Variants in RALGPS2 observed in about 807,000 individuals in gnomAD.
The protein encoded by RALGPS2 is Ral GEF with PH domain and SH3 binding motif 2, also known as ras-specific guanine nucleotide-releasing factor RalGPS2.
RALGPS2 carries 43 observed loss-of-function variants against 86.8 expected under a neutral mutation model. The ratio of observed to expected loss-of-function variants is 0.50; its 90% CI spans 0.39 to 0.64. The LOEUF is 0.64. RALGPS2 is among the 30% of genes least tolerant of loss of function. RALGPS2 has a pLI of 0.00. For synonymous variants in RALGPS2, 243 were observed against 231.3 expected, an observed-to-expected ratio of 1.05 and a Z score of -0.46; for missense variants, 536 against 694.6, an observed-to-expected ratio of 0.77 and a Z score of 2.57.
intron 18 of RALGPS2, 121 bp from the exon 19 acceptor site, chr1:178,906,655 T>A: frequency 1.4e-6 from 1 of 700,158 alleles, no homozygotes; most frequent in Non-Finnish European, 2.4e-6. Flanking sequence ...ATGGAGGTGT[T>A]GAATAGAATT....
chr1:178,736,885 A>G (rs1242185486), intron 1 of RALGPS2, among the ~76,000 whole-genome samples: 3 of 152,104 alleles, frequency 2.0e-5, no homozygotes, highest in African/African-American at 2.4e-5. Flanking sequence ...CAACAGAAGG[A>G]CACCCCTGTC....
intron 2 of RALGPS2, among the ~76,000 whole-genome samples, chr1:178,783,523 G>A (rs1388109680): frequency 4.6e-5 from 7 of 152,128 alleles, no homozygotes; most frequent in Non-Finnish European, 8.8e-5. Flanking sequence ...TCGATACTTC[G>A]TATTTAGCTG....
intron 1 of RALGPS2, among the ~76,000 whole-genome samples, chr1:178,727,061 A>G (rs1401269625): frequency 2.6e-5 from 4 of 152,260 alleles, no homozygotes; most frequent in Non-Finnish European, 5.9e-5. Flanking sequence ...TTTATCATGT[A>G]GCTTCAAAGG....
At chr1:178,762,279 C>T (rs914718376) in intron 1 of RALGPS2, among the ~76,000 whole-genome samples, 5 of 151,986 alleles carry the variant, frequency 3.3e-5, no homozygotes. Flanking sequence ...AGGTTGATTC[C>T]ATGTCTTTGC....
At chr1:178,889,401 C>T (rs1346065854) in intron 13 of RALGPS2, among the ~76,000 whole-genome samples, 3 of 151,928 alleles carry the variant, frequency 2.0e-5, no homozygotes, top group Non-Finnish European at 4.4e-5. Flanking sequence ...TACAAATAGG[C>T]AAGCAAAAAT....
intron 1 of RALGPS2, among the ~76,000 whole-genome samples, chr1:178,771,092 G>T (rs1652791570): frequency 6.6e-6 from 1 of 151,912 alleles, no homozygotes; most frequent in Non-Finnish European, 1.5e-5. Context: ...ACCTGCCTCG[G>T]CCTCCCAAAG....
At chr1:178,808,720 C>T (rs1197761980) in intron 5 of RALGPS2, among the ~76,000 whole-genome samples, 1 of 151,998 alleles carries the variant, frequency 6.6e-6, no homozygotes, top group Non-Finnish European at 1.5e-5. Flanking sequence ...TTTGCTTTTG[C>T]TCATACGTAG....
chr1:178,776,732 G>A lies in RALGPS2; in HGVS notation c.-33G>A, dbSNP rs920709938. 5.7e-6 allele frequency: 9 copies of A among 1,566,820 alleles called. No individual in the cohort carries two copies. Among genetic ancestry groups the A allele is most frequent in the African/African-American group, 1.4e-5 (1 of 73,126 alleles). Reference sequence around the variant, plus strand: ...ATGAGGCAGTCAGTCCTCTGTTGCTGTTAACATAAGGTCAGGGACTGATGA... The same window carrying A: ...ATGAGGCAGTCAGTCCTCTGTTGCTATTAACATAAGGTCAGGGACTGATGA... On this transcript the variant is annotated 5_prime_UTR_variant, in exon 2 of 20. Transcript: ENST00000367635.
At chr1:178,809,257 A>G (rs1029666898) in intron 5 of RALGPS2, among the ~76,000 whole-genome samples, 1 of 152,092 alleles carries the variant, frequency 6.6e-6, no homozygotes, top group Admixed American at 6.5e-5. Flanking sequence ...GAGTTGAAAA[A>G]TAAGTGAATT....
At chr1:178,853,927 A>G (rs1657355984) in intron 8 of RALGPS2, 1 of 520,526 alleles carries the variant, frequency 1.9e-6, no homozygotes, top group Non-Finnish European at 3.1e-6. Context: ...ATAAAATATA[A>G]CTAAATAAAA....
At chr1:178,756,392 C>G (rs1651959301) in intron 1 of RALGPS2, among the ~76,000 whole-genome samples, 1 of 152,194 alleles carries the variant, frequency 6.6e-6, no homozygotes, top group South Asian at 2.1e-4. Flanking sequence ...CCAGCTATCC[C>G]AGCACTATTT....
intron 8 of RALGPS2, among the ~76,000 whole-genome samples, chr1:178,874,645 T>G (rs1437816258): frequency 6.6e-6 from 1 of 152,224 alleles, no homozygotes; most frequent in Admixed American, 6.5e-5. Context: ...CTTCTATTGC[T>G]GTTATTGATG....
At chr1:178,744,518 AAAAG>A (rs1387894042) in intron 1 of RALGPS2, among the ~76,000 whole-genome samples, 1 of 152,138 alleles carries the variant, frequency 6.6e-6, no homozygotes, top group Non-Finnish European at 1.5e-5. Context: ...ACAGTCAAGA[AAAAG>A]AAATAAGCTG....
chr1:178,878,762 C>G, intron 9 of RALGPS2, 140 bp from the exon 10 acceptor site: 1 of 1,099,060 alleles, frequency 9.1e-7, no homozygotes, highest in Non-Finnish European at 1.3e-6. Context: ...TAAAGTTTAT[C>G]TCAGTAATGT....
Position 178,916,383 on chromosome 1 carries a change from G to A in RALGPS2, c.*24G>A. 1 of 1,590,234 alleles carries A rather than the reference G, an allele frequency of 6.3e-7. No individual in the cohort carries two copies. The highest frequency in any genetic ancestry group is 8.6e-7 in the Non-Finnish European group (1 of 1,159,986). On this transcript the variant is annotated 3_prime_UTR_variant, in exon 20 of 20. Coordinates refer to ENST00000367635, the MANE Select transcript of RALGPS2 (RefSeq NM_152663.5). Reference sequence around the variant, plus strand: ...AGAAGCCTGAGAAAAAAAGAGAGGTGAACTGTTGCTTCTACGTGAGCATGA... The same window carrying A: ...AGAAGCCTGAGAAAAAAAGAGAGGTAAACTGTTGCTTCTACGTGAGCATGA...
chr1:178,856,841 A>AT (rs1277983251), intron 8 of RALGPS2, among the ~76,000 whole-genome samples: 1 of 152,196 alleles, frequency 6.6e-6, no homozygotes, highest in Non-Finnish European at 1.5e-5. Context: ...GAAAAACCTC[A>AT]TGTTCTGCAA....
At chr1:178,881,536 G>A (rs1359105442) in intron 10 of RALGPS2, among the ~76,000 whole-genome samples, 32 of 152,108 alleles carry the variant, frequency 2.1e-4, no homozygotes, top group Admixed American at 1.8e-3. Context: ...TGCAACCTCC[G>A]CCGCCTGGGG....
intron 10 of RALGPS2, among the ~76,000 whole-genome samples, chr1:178,881,309 G>A (rs894737080): frequency 1.4e-4 from 21 of 152,136 alleles, no homozygotes; most frequent in African/African-American, 5.1e-4. Context: ...AGGTGAGTGG[G>A]AGTTAGTCTC....
chr1:178,815,489 C>T (rs779077634), intron 6 of RALGPS2, among the ~76,000 whole-genome samples: 4 of 151,944 alleles, frequency 2.6e-5, no homozygotes, highest in East Asian at 1.9e-4. Flanking sequence ...CCACTTTTTT[C>T]GTATTTTCTG....
Sources: allele counts gnomAD v4.1 joint callset (sites outside exome capture counted in the v4.1 genomes callset), GRCh38; gene constraint gnomAD v4.1.1; transcripts MANE v1.5; gene names NCBI Gene and HGNC (gene_info 2026-07-23, HGNC 2026-07-21).